CCSER2: variants seen among roughly 807,000 people sequenced by gnomAD.
CCSER2 encodes the protein serine-rich coiled-coil domain-containing protein 2.
CCSER2 carries 46 observed loss-of-function variants against 92.3 expected under a neutral mutation model. The ratio of observed to expected loss-of-function variants is 0.50; its 90% CI spans 0.39 to 0.64. The LOEUF is 0.64. CCSER2 is among the 30% of genes least tolerant of loss of function. The pLI is 0.00. For synonymous variants in CCSER2, 433 were observed against 431.4 expected, an observed-to-expected ratio of 1.00 and a Z score of -0.04; for missense variants, 1,244 against 1,238.9, an observed-to-expected ratio of 1.00 and a Z score of -0.06.
chr10:84,410,224 T>C (rs1163881753), intron 3 of CCSER2, among the ~76,000 whole-genome samples: 2 of 152,216 alleles, frequency 1.3e-5, no homozygotes, highest in Non-Finnish European at 2.9e-5. Flanking sequence ...AATGAACATA[T>C]GCATGCATGT....
intron 1 of CCSER2, among the ~76,000 whole-genome samples, chr10:84,367,380 T>C (rs1845829286): frequency 6.8e-6 from 1 of 146,122 alleles, no homozygotes; most frequent in African/African-American, 2.5e-5. Flanking sequence ...TTCTCCTCGA[T>C]ACTTTTTTTT....
intron 9 of CCSER2, among the ~76,000 whole-genome samples, chr10:84,483,261 T>A (rs1178661786): frequency 6.6e-6 from 1 of 151,916 alleles, no homozygotes; most frequent in Non-Finnish European, 1.5e-5. Flanking sequence ...GGCGTGGTGG[T>A]GCATGCCAAT....
intron 1 of CCSER2, among the ~76,000 whole-genome samples, chr10:84,342,591 T>G (rs1464970789): frequency 1.3e-5 from 2 of 152,148 alleles, no homozygotes; most frequent in Non-Finnish European, 2.9e-5. Flanking sequence ...AATCTAGAAT[T>G]CAAAGCCCTT....
At chr10:84,482,207 G>GT (rs1330382914) in intron 9 of CCSER2, among the ~76,000 whole-genome samples, 4 of 152,086 alleles carry the variant, frequency 2.6e-5, no homozygotes, top group African/African-American at 9.7e-5. Flanking sequence ...AGAATGAGCC[G>GT]TAAGAGCAGA....
intron 3 of CCSER2, among the ~76,000 whole-genome samples, chr10:84,396,219 G>A (rs1841826539): frequency 7.0e-6 from 1 of 143,086 alleles, no homozygotes; most frequent in South Asian, 2.2e-4. Flanking sequence ...GTGTGTGTGT[G>A]TATAAGGATT....
intron 1 of CCSER2, among the ~76,000 whole-genome samples, chr10:84,366,181 C>T (rs1467753298): frequency 2.0e-5 from 3 of 152,082 alleles, no homozygotes; most frequent in East Asian, 1.9e-4. Context: ...TGAGCTCAAG[C>T]GATCCTTTCG....
chr10:84,499,267 C>G (rs949859165), intron 9 of CCSER2, among the ~76,000 whole-genome samples: 7 of 152,048 alleles, frequency 4.6e-5, no homozygotes, highest in South Asian at 4.1e-4. Flanking sequence ...TCCCGAGTAA[C>G]TGGTTTTACA....
chr10:84,420,647 A>G (rs1009925133), intron 4 of CCSER2, among the ~76,000 whole-genome samples: 1 of 152,042 alleles, frequency 6.6e-6, no homozygotes, highest in Non-Finnish European at 1.5e-5. Flanking sequence ...AAAGATTTAG[A>G]TGGGGGCCAG....
At chr10:84,394,131 A>G (rs749662534) in intron 3 of CCSER2, among the ~76,000 whole-genome samples, 2 of 152,084 alleles carry the variant, frequency 1.3e-5, no homozygotes, top group Non-Finnish European at 2.9e-5. Flanking sequence ...ACATAATTAT[A>G]TTTTTCTTCA....
At chr10:84,510,449 A>G (rs2131877632) in intron 9 of CCSER2, among the ~76,000 whole-genome samples, 1 of 152,322 alleles carries the variant, frequency 6.6e-6, no homozygotes, top group Non-Finnish European at 1.5e-5. Context: ...AAGCACAGGA[A>G]CAAAGTTATG....
At chr10:84,480,887 A>G (rs1406842468) in intron 9 of CCSER2, among the ~76,000 whole-genome samples, 1 of 152,176 alleles carries the variant, frequency 6.6e-6, no homozygotes, top group Admixed American at 6.5e-5. Flanking sequence ...TGCTATTAAT[A>G]TTTGGTTTGA....
At chr10:84,372,715 A>C (rs1406214898) in intron 2 of CCSER2, among the ~76,000 whole-genome samples, 2 of 152,138 alleles carry the variant, frequency 1.3e-5, no homozygotes, top group African/African-American at 4.8e-5. Flanking sequence ...GCTGTTATAC[A>C]CAGCCTATTC....
In CCSER2 at chr10:84,517,980, T is replaced by C. The variant is rs939585259; in HGVS notation, c.*3713T>C. The C allele has an allele frequency of 6.6e-6, 1 of 152,248 alleles. No individual in the cohort carries two copies. The highest frequency in any genetic ancestry group is 1.5e-5 in the Non-Finnish European group (1 of 68,036). 9.4% of individuals were successfully genotyped at this position (152,248 alleles called of 1,614,324 possible). ...TACTTTCCATCTTACCCAGTAGTTT[T>C]TGTGTTTTTAAATTCGTTTGGGTGG... On this transcript the variant is annotated 3_prime_UTR_variant, in exon 10 of 10. Transcript: ENST00000372088.
Position 84,503,641 on chromosome 10 carries a change from G to A in CCSER2, c.2326-9808G>A, listed in dbSNP as rs567795327. Among the ~76,000 whole-genome samples the A allele has an allele frequency of 4.6e-5, 7 of 152,262 alleles. No individual in the cohort carries two copies. In the East Asian group the frequency reaches 1.3e-3, roughly 29 times the overall value. On this transcript the variant is annotated intron_variant, in intron 9 of 9. Coordinates refer to ENST00000372088, the MANE Select transcript of CCSER2 (RefSeq NM_001284240.2). The stretch of plus-strand genomic sequence containing the variant: ...ACAGGAATACTTGACTTTTCAAAAA[G>A]TATGTTTCGAAATAATACCTATTTC...
In CCSER2 at chr10:84,441,736, G is replaced by GTTTTTTTTTTTT. The variant is rs869280119; in HGVS notation, c.2064+3058_2064+3069dup. On this transcript the variant is annotated intron_variant, in intron 6 of 9. Transcript: ENST00000372088. ...GAATAAAGTAGAAGACTGGGAAAAT[G>GTTTTTTTTTTTT]TTTTTTTTTTTTTTTTTTTTTTTTT... Among the ~76,000 whole-genome samples, 9 of 43,644 alleles carry GTTTTTTTTTTTT rather than the reference G, an allele frequency of 2.1e-4. 1 individual carries two copies. Among genetic ancestry groups the GTTTTTTTTTTTT allele is most frequent in the African/African-American group, 2.9e-4 (4 of 13,668 alleles). The allele number at this position is 43,644 out of a possible 152,430, so 28.6% of individuals were successfully genotyped here. A position where few individuals can be genotyped will look rare whatever the true frequency, so the allele number is the denominator to read the frequency against.
At chr10:84,474,662 CAAAAAAAAAA>C (rs397844899) in intron 8 of CCSER2, among the ~76,000 whole-genome samples, 1 of 65,856 alleles carries the variant, frequency 1.5e-5, no homozygotes. Context: ...GACTCCATCT[CAAAAAAAAAA>C]AAAAAAAAAA....
intron 5 of CCSER2, among the ~76,000 whole-genome samples, chr10:84,431,335 C>T (rs552554157): frequency 2.0e-5 from 3 of 152,168 alleles, no homozygotes; most frequent in Admixed American, 6.5e-5. Context: ...TTGCCTTTTC[C>T]AGAATGCCAG....
At chr10:84,477,770 G>T (rs550856669) in intron 9 of CCSER2, 106 bp downstream of exon 9, 5 of 596,530 alleles carry the variant, frequency 8.4e-6, no homozygotes, top group East Asian at 3.2e-5. Context: ...TGTCATGGCT[G>T]TTAATTTTTT....
chr10:84,472,792 A>C (rs1846896350), intron 8 of CCSER2, among the ~76,000 whole-genome samples: 5 of 152,176 alleles, frequency 3.3e-5, no homozygotes. Context: ...TAAAAAAATA[A>C]GAACAGGTCT....
Sources: gnomAD v4.1 joint callset for allele counts (sites outside exome capture counted in the v4.1 genomes callset) on GRCh38, gnomAD v4.1.1 for gene constraint, MANE v1.5 for transcripts, NCBI Gene and HGNC (gene_info 2026-07-23, HGNC 2026-07-21) for gene names.